ADGRB2: variants seen among roughly 807,000 people sequenced by gnomAD.
ADGRB2 encodes the protein brain-specific angiogenesis inhibitor 2.
ADGRB2 carries 47 observed loss-of-function variants against 178.7 expected under a neutral mutation model. That is an observed-to-expected ratio of 0.26 (90% CI 0.21 to 0.34). ADGRB2 has a LOEUF of 0.34. Ranked by LOEUF, ADGRB2 falls within the 10% of genes least tolerant of loss-of-function variation. ADGRB2 has a pLI of 1.00. For missense variants in ADGRB2, 1,584 were observed against 2,180.8 expected, an observed-to-expected ratio of 0.73 and a Z score of 5.45; for synonymous variants, 870 against 912.4, an observed-to-expected ratio of 0.95 and a Z score of 0.84.
At position 31,740,895 on chromosome 1, in the gene ADGRB2, G is replaced by GCGCA. The variant is rs1553185114; in HGVS notation, c.1795-355_1795-354insTGCG. 0.025 allele frequency among the ~76,000 whole-genome samples: 3,564 copies of GCGCA among 140,442 alleles called. 39 individuals carry two copies. The highest frequency in any genetic ancestry group is 0.028 in the African/African-American group (1,068 of 37,550). The allele number at this position is 140,442 out of a possible 152,430, so 92.1% of individuals were successfully genotyped here. ...AATGAGCATGTGTGTGGGCGCGCGCGCACACACACACACACACACACACAC... is the reference window on the plus strand; with the variant it reads ...AATGAGCATGTGTGTGGGCGCGCGCGCGCACACACACACACACACACACACACAC... On this transcript the variant is annotated intron_variant, in intron 11 of 32. Transcript: ENST00000373658. This position sits in a 1 kb window ranked among gnomAD's most constrained non-coding sequence, Gnocchi z 5.9.
Position 31,735,574 on chromosome 1 carries a change from C to T in ADGRB2, c.3353+6G>A, listed in dbSNP as rs12409382. 1.9e-6 allele frequency: 3 copies of T among 1,613,762 alleles called. No individual in the cohort carries two copies. The highest frequency in any genetic ancestry group is 2.2e-5 in the East Asian group (1 of 44,870). ...AAAGGCCAAGTCTCAGAGGCCCCCC[C>T]CTTACCCGGCCCTCTGCTTCTTGGA... On this transcript the variant is annotated splice_donor_region_variant and intron_variant, in intron 24 of 32. Transcript: ENST00000373658. This position sits in a 1 kb window ranked among gnomAD's most constrained non-coding sequence, Gnocchi z 6.0.
At position 31,740,425 on chromosome 1, in the gene ADGRB2, G is replaced by A. The variant is rs1557758670; in HGVS notation, c.1911C>T (p.Leu637=). ...ARRTYYSGDL[L]FSVDILRNVT... is the part of the protein sequence containing the mutation. ...CATTCCTCAGAATGTCCACAGAGAA[G>A]AGCAGGTCCCCACTATAGTAGGTGC... is the stretch of plus-strand genomic sequence containing the variant. The change falls in exon 12 of 33, where the codon CTC becomes CTT. Residue 637 remains leucine, a synonymous_variant. Coordinates refer to ENST00000373658, the MANE Select transcript of ADGRB2 (RefSeq NM_001364857.2). The surrounding 1 kb of genome is among the most constrained non-coding windows in gnomAD (Gnocchi z 5.9). 6 of 1,614,070 alleles carry A rather than the reference G, an allele frequency of 3.7e-6. No individual in the cohort carries two copies. The highest frequency in any genetic ancestry group is 5.1e-6 in the Non-Finnish European group (6 of 1,179,994).
In ADGRB2 at chr1:31,736,302, C is replaced by T. The variant is rs1354764239; in HGVS notation, c.3200+19G>A. 5 of 1,613,338 alleles carry T rather than the reference C, an allele frequency of 3.1e-6. No homozygotes were observed. The highest frequency in any genetic ancestry group is 4.2e-6 in the Non-Finnish European group (5 of 1,179,546). On this transcript the variant is annotated intron_variant, in intron 22 of 32. Coordinates refer to ENST00000373658, the MANE Select transcript of ADGRB2 (RefSeq NM_001364857.2). ...CAGATCCACTACCCGCTACCACCCA[C>T]CACGGGAGGCCCACGTACTAGCTGG... is the stretch of plus-strand genomic sequence containing the variant.
chr1:31,739,580 G>C lies in ADGRB2; in HGVS notation c.2223C>G (p.Pro741=). The part of the protein sequence containing the change: ...VSAVSSDITF[P]MRGRRGMKDW... ...CCTTCATGCCCCGGCGGCCCCGCAT[G>C]GGGAACGTGATGTCACTGGACACAG... The change falls in exon 15 of 33, where the codon CCC becomes CCG. Residue 741 remains proline, a synonymous_variant. Coordinates refer to ENST00000373658, the MANE Select transcript of ADGRB2 (RefSeq NM_001364857.2). 1.9e-6 allele frequency: 3 copies of C among 1,610,792 alleles called. No individual in the cohort carries two copies. The highest frequency in any genetic ancestry group is 2.5e-6 in the Non-Finnish European group (3 of 1,178,648).
chr1:31,737,414 G>A lies in ADGRB2; in HGVS notation c.2979+15C>T, dbSNP rs777608112. 4.1e-5 allele frequency: 66 copies of A among 1,607,940 alleles called. 1 individual carries two copies. The highest frequency in any genetic ancestry group is 3.4e-4 in the South Asian group (31 of 90,940). On this transcript the variant is annotated intron_variant, in intron 20 of 32. Transcript: ENST00000373658. ...CCCACTCACACCCCTGGCAGCCCTG[G>A]AAGTCTGCACCTGCCTTGCTCAGCA...
In ADGRB2 at chr1:31,731,340, C is replaced by T. The variant is rs952207638; in HGVS notation, c.3840G>A (p.Glu1280=). The T allele has an allele frequency of 6.2e-7, 1 of 1,612,960 alleles. No individual in the cohort carries two copies. Among genetic ancestry groups the T allele is most frequent in the Non-Finnish European group, 8.5e-7 (1 of 1,179,944 alleles). The part of the protein sequence containing the change: ...TLSRLSLDED[E]EPKSCLVGPE... The stretch of plus-strand genomic sequence containing the variant: ...GGCCCACGAGGCAGGACTTGGGCTC[C>T]TCATCCTCATCCAGGGACAGGCGGG... Residue 1280 remains glutamate, a synonymous_variant, in exon 29 of 33, where the codon GAG becomes GAA. Coordinates refer to ENST00000373658, the MANE Select transcript of ADGRB2 (RefSeq NM_001364857.2).
In ADGRB2 at chr1:31,735,568, C is replaced by A. The variant is rs2271930; in HGVS notation, c.3353+12G>T. ...TTCCAGAAAGGCCAAGTCTCAGAGGCCCCCCCCTTACCCGGCCCTCTGCTT... is the reference window on the plus strand; with the variant it reads ...TTCCAGAAAGGCCAAGTCTCAGAGGACCCCCCCTTACCCGGCCCTCTGCTT... On this transcript the variant is annotated intron_variant, in intron 24 of 32. Transcript: ENST00000373658. The surrounding 1 kb of genome is among the most constrained non-coding windows in gnomAD (Gnocchi z 6.0). The A allele has an allele frequency of 5.0e-6, 8 of 1,606,554 alleles. No individual in the cohort carries two copies. Among genetic ancestry groups the A allele is most frequent in the South Asian group, 1.1e-5 (1 of 90,700 alleles).
In ADGRB2 at chr1:31,727,833, A is replaced by G. The variant is rs1645062977; in HGVS notation, c.4572+192T>C. The G allele has an allele frequency of 1.1e-6, 1 of 900,816 alleles. No individual in the cohort carries two copies. The highest frequency in any genetic ancestry group is 1.6e-6 in the Non-Finnish European group (1 of 612,960). The allele number at this position is 900,816 out of a possible 1,614,324, so 55.8% of individuals were successfully genotyped here. ...CTCCTGCTGACCACTCTCCCTCCCAATCCTGGAGGACCTCCACCCCTGTTC... is the reference window on the plus strand; with the variant it reads ...CTCCTGCTGACCACTCTCCCTCCCAGTCCTGGAGGACCTCCACCCCTGTTC... On this transcript the variant is annotated intron_variant, in intron 32 of 32. Transcript: ENST00000373658. This position sits in a 1 kb window ranked among gnomAD's most constrained non-coding sequence, Gnocchi z 4.4.
chr1:31,731,187 G>T lies in ADGRB2; in HGVS notation c.3993C>A (p.Gly1331=). Reference sequence around the variant, plus strand: ...GCCATGTGAGGTCCAGCTGCCGCAGGCCACCCTCCCCACACATGTAAACAG... The same window carrying T: ...GCCATGTGAGGTCCAGCTGCCGCAGTCCACCCTCCCCACACATGTAAACAG... ...ANPVYMCGEG[G]LRQLDLTWLR... Residue 1331 remains glycine, a synonymous_variant, in exon 29 of 33, where the codon GGC becomes GGA. Coordinates refer to ENST00000373658, the MANE Select transcript of ADGRB2 (RefSeq NM_001364857.2). 6.3e-7 allele frequency: 1 copy of T among 1,599,448 alleles called. No homozygotes were observed. Among genetic ancestry groups the T allele is most frequent in the Non-Finnish European group, 8.5e-7 (1 of 1,173,750 alleles).
intron 4 of ADGRB2, among the ~76,000 whole-genome samples, chr1:31,746,921 T>A (rs1646307813): frequency 6.6e-6 from 1 of 152,130 alleles, no homozygotes; most frequent in South Asian, 2.1e-4. Context: ...TCTGTTTCCC[T>A]CCTCCGTCAG....
Position 31,758,683 on chromosome 1 carries a change from A to C in ADGRB2, c.-190-1172T>G, listed in dbSNP as rs2149068421. The stretch of plus-strand genomic sequence containing the variant: ...CAGGGGCTGGGGGAGATGGTGGAGT[A>C]GCTCCAGGCAGACCTACTCACTGCA... On this transcript the variant is annotated intron_variant, in intron 1 of 32. Transcript: ENST00000373658. This position sits in a 1 kb window ranked among gnomAD's most constrained non-coding sequence, Gnocchi z 4.2. 1 of 155,648 alleles carries C rather than the reference A, an allele frequency of 6.4e-6. No homozygotes were observed. The highest frequency in any genetic ancestry group is 2.0e-4 in the South Asian group (1 of 4,952). 9.6% of individuals were successfully genotyped at this position (155,648 alleles called of 1,614,324 possible).
At chr1:31,736,786 C>T (rs1645631450) in intron 20 of ADGRB2, 63 bp from the exon 21 acceptor site, 17 of 1,554,296 alleles carry the variant, frequency 1.1e-5, no homozygotes, top group Non-Finnish European at 1.4e-5. Flanking sequence ...AGGCGCCGGG[C>T]TTCCCACGCC....
rs780162537 is a variant in ADGRB2 at position 31,731,362 on chromosome 1, C to T, written c.3818G>A (p.Arg1273His). The T allele has an allele frequency of 6.2e-6, 10 of 1,612,244 alleles. No homozygotes were observed. In the Admixed American group the frequency reaches 6.7e-5, roughly 11 times the overall value. ...CTCCTCATCCTCATCCAGGGACAGG[C>T]GGGATAGTGTGCCCGTGATGGTGGA... is the stretch of plus-strand genomic sequence containing the variant. ...NPSTITGTLS[R>H]LSLDEDEEPK... is the part of the protein sequence containing the mutation. Residue 1273 changes from arginine to histidine, a missense_variant, in exon 29 of 33, where the codon CGC (arginine) becomes CAC (histidine). Arg to His is a conservative substitution (Grantham distance 29). Transcript: ENST00000373658.
At position 31,737,714 on chromosome 1, in the gene ADGRB2, G is replaced by C; in HGVS notation, c.2814C>G (p.Ile938Met). The change falls in exon 19 of 33, where the codon ATC becomes ATG. Residue 938 changes from isoleucine to methionine, a missense_variant. Physicochemically the swap from Ile to Met is conservative, Grantham distance 10 (BLOSUM62 1). Coordinates refer to ENST00000373658, the MANE Select transcript of ADGRB2 (RefSeq NM_001364857.2). ...GCGCCATGCACGACACTGCACAGCC[G>C]ATCACCAGGGGGACCGAGGGGGAGC... Reference protein sequence around the residue: ...LAGSPSVPLVIGCAVSCMALL... With the variant: ...LAGSPSVPLVMGCAVSCMALL... 1.2e-6 allele frequency: 2 copies of C among 1,613,712 alleles called. No homozygotes were observed. Among genetic ancestry groups the C allele is most frequent in the Non-Finnish European group, 1.7e-6 (2 of 1,180,014 alleles).
At position 31,750,070 on chromosome 1, in the gene ADGRB2, T is replaced by G. The variant is rs567715990; in HGVS notation, c.839-5339A>C. On this transcript the variant is annotated intron_variant, in intron 4 of 32. Transcript: ENST00000373658. ...TCCCTCCACACATCTGCTAACACTA[T>G]TCCCTGCCCTTGAAATACCCTTCCC... 4.2e-4 allele frequency among the ~76,000 whole-genome samples: 64 copies of G among 152,226 alleles called. 1 individual carries two copies. Among genetic ancestry groups the G allele is most frequent in the Non-Finnish European group, 7.5e-4 (51 of 68,032 alleles).
Position 31,736,404 on chromosome 1 carries a change from G to A in ADGRB2, c.3131-14C>T. 2 of 1,613,748 alleles carry A rather than the reference G, an allele frequency of 1.2e-6. No homozygotes were observed. The highest frequency in any genetic ancestry group is 1.7e-6 in the Non-Finnish European group (2 of 1,179,884). ...GGGCAGGCAGACCTGGGGGAGCAGG[G>A]GTGCCAGAGTGAGATGGTTGCTGGT... On this transcript the variant is annotated splice_polypyrimidine_tract_variant and intron_variant, in intron 21 of 32. Transcript: ENST00000373658.
rs375386085 is a variant in ADGRB2, at chr1:31,732,952, C to T, written c.3624+20G>A. On this transcript the variant is annotated intron_variant, in intron 26 of 32. Transcript: ENST00000373658. ...GGCAGGTGTGGTGGGCACACACAGG[C>T]GGGAGAGGCCCAGCCCCACCTCTCG... The T allele has an allele frequency of 2.7e-5, 42 of 1,546,866 alleles. No individual in the cohort carries two copies. The African/African-American group carries it at 2.9e-4, about 11-fold the overall frequency.
chr1:31,741,773 C>A lies in ADGRB2; in HGVS notation c.1585+27G>T, dbSNP rs772822351. 9.4e-6 allele frequency: 15 copies of A among 1,598,300 alleles called. No individual in the cohort carries two copies. Among genetic ancestry groups the A allele is most frequent in the Non-Finnish European group, 1.2e-5 (14 of 1,169,180 alleles). ...CAGCTGGGTCCACACATGGGGCCCC[C>A]AGCCCCCAGGGTCATTAGGGCAGTA... On this transcript the variant is annotated intron_variant, in intron 9 of 32. Transcript: ENST00000373658. The surrounding 1 kb of genome is among the most constrained non-coding windows in gnomAD (Gnocchi z 6.5).
intron 20 of ADGRB2, among the ~76,000 whole-genome samples, 200 bp downstream of exon 20, chr1:31,737,229 G>T (rs1004640971): frequency 2.0e-5 from 3 of 152,162 alleles, no homozygotes; most frequent in Admixed American, 6.5e-5. Context: ...GTTCACAGAA[G>T]TTCCTCACTT....
Sources: allele counts gnomAD v4.1 joint callset (sites outside exome capture counted in the v4.1 genomes callset), GRCh38; gene constraint gnomAD v4.1.1; non-coding constraint Gnocchi (gnomAD v3.1); transcripts MANE v1.5; gene names NCBI Gene and HGNC (gene_info 2026-07-23, HGNC 2026-07-21).